Variants in PDE1C observed in about 807,000 individuals in gnomAD.
The protein encoded by PDE1C is dual specificity calcium/calmodulin-dependent 3',5'-cyclic nucleotide phosphodiesterase 1C.
Under a neutral mutation model 93.1 loss-of-function variants are expected in PDE1C, and 62 were observed. The ratio of observed to expected loss-of-function variants is 0.67; its 90% CI spans 0.54 to 0.82. PDE1C has a LOEUF of 0.82. Among genes scored for constraint, PDE1C ranks in the 40% least tolerant of loss-of-function variants. The pLI, the probability that PDE1C is intolerant of heterozygous loss-of-function variation, is 0.00. For synonymous variants in PDE1C, 325 were observed against 310.1 expected (o/e 1.05, Z -0.50); for missense variants, 742 against 884.6 (o/e 0.84, Z 2.04).
At chr7:31,962,473 TG>T (rs1359536504) in intron 2 of PDE1C, among the ~76,000 whole-genome samples, 1 of 152,250 alleles carries the variant, frequency 6.6e-6, no homozygotes, top group Non-Finnish European at 1.5e-5. Flanking sequence ...GAGTCATTTC[TG>T]CTTCAACTGC....
At chr7:32,205,609 A>C (rs867181959) in intron 2 of PDE1C, among the ~76,000 whole-genome samples, 1 of 152,094 alleles carries the variant, frequency 6.6e-6, no homozygotes, top group African/African-American at 2.4e-5. Flanking sequence ...CCAACCCCCC[A>C]GCCAACCCGT....
chr7:31,679,738 A>G, the PDE1C span, among the ~76,000 whole-genome samples: 2 of 152,178 alleles, frequency 1.3e-5, no homozygotes, highest in Non-Finnish European at 2.9e-5. Flanking sequence ...CGTTATTACC[A>G]TCTGGTAGCT....
rs1406753335 is a variant in PDE1C at position 32,420,327 on chromosome 7, GTA to G, written c.310+7493_310+7494del. ...TATATATACATGTGTATATATATGT[GTA>G]TATATATATGTGTATATATATGTGT... is the stretch of plus-strand genomic sequence containing the variant. On this transcript the variant is annotated intron_variant, in intron 1 of 1. Coordinates refer to the PDE1C transcript ENST00000672256. Among the ~76,000 whole-genome samples, 7 of 4,586 alleles carry G rather than the reference GTA, an allele frequency of 1.5e-3. 2 individuals are homozygous for G. Among genetic ancestry groups the G allele is most frequent in the African/African-American group, 3.3e-3 (6 of 1,834 alleles). 3.0% of individuals were successfully genotyped at this position (4,586 alleles called of 152,430 possible).
At chr7:31,906,504 G>A (rs1265857979) in intron 2 of PDE1C, among the ~76,000 whole-genome samples, 1 of 152,152 alleles carries the variant, frequency 6.6e-6, no homozygotes, top group Non-Finnish European at 1.5e-5. Flanking sequence ...GATACAGGAT[G>A]ATATTCAGAT....
chr7:31,959,377 TA>T (rs1808602868), intron 2 of PDE1C, among the ~76,000 whole-genome samples: 2 of 152,076 alleles, frequency 1.3e-5, no homozygotes, highest in African/African-American at 4.8e-5. Context: ...TACGCCCAGC[TA>T]ATTTTTGTAG....
At chr7:32,360,205 T>C (rs1585124889) in intron 1 of PDE1C, among the ~76,000 whole-genome samples, 1 of 152,154 alleles carries the variant, frequency 6.6e-6, no homozygotes, top group South Asian at 2.1e-4. Flanking sequence ...AAAGAAACAA[T>C]GAATGGGACA....
chr7:32,361,229 G>A (rs962565343), intron 1 of PDE1C, among the ~76,000 whole-genome samples: 1 of 152,184 alleles, frequency 6.6e-6, no homozygotes, highest in Non-Finnish European at 1.5e-5. Flanking sequence ...GCTGAGTTCT[G>A]CCTCCAGGTC....
At chr7:31,669,376 AG>A in the PDE1C span, among the ~76,000 whole-genome samples, 5 of 152,226 alleles carry the variant, frequency 3.3e-5, no homozygotes, top group African/African-American at 1.2e-4. Flanking sequence ...ACCCTAAACA[AG>A]ATATACAAAA....
At chr7:32,111,597 C>G (rs1798643838) in intron 3 of PDE1C, among the ~76,000 whole-genome samples, 2 of 152,096 alleles carry the variant, frequency 1.3e-5, no homozygotes, top group South Asian at 4.1e-4. Flanking sequence ...CCCACCAGGT[C>G]AATGTCTGTT....
At chr7:32,340,339 G>A (rs562017990) in intron 1 of PDE1C, among the ~76,000 whole-genome samples, 9 of 152,072 alleles carry the variant, frequency 5.9e-5, no homozygotes, top group African/African-American at 2.2e-4. Flanking sequence ...GAAAGGAAGA[G>A]AATAGGGAGT....
At chr7:32,340,119 C>A (rs1255405552) in intron 1 of PDE1C, among the ~76,000 whole-genome samples, 2 of 151,906 alleles carry the variant, frequency 1.3e-5, no homozygotes, top group Non-Finnish European at 2.9e-5. Context: ...CTGGGACTTA[C>A]CAGAGTGGGA....
At chr7:31,619,662 G>C in the PDE1C span, among the ~76,000 whole-genome samples, 12 of 152,118 alleles carry the variant, frequency 7.9e-5, no homozygotes, top group African/African-American at 2.2e-4. Flanking sequence ...CCAGTCTACA[G>C]CCCCCAGCGT....
intron 1 of PDE1C, among the ~76,000 whole-genome samples, chr7:32,248,058 G>A (rs1809096055): frequency 6.6e-6 from 1 of 152,210 alleles, no homozygotes. Context: ...CAGGAGCACA[G>A]GATGGCTGTT....
At chr7:32,114,892 G>C (rs1217587359) in intron 3 of PDE1C, among the ~76,000 whole-genome samples, 1 of 152,094 alleles carries the variant, frequency 6.6e-6, no homozygotes, top group Non-Finnish European at 1.5e-5. Context: ...ATTAGAGAAA[G>C]GCACATCAAA....
At chr7:31,714,579 A>C in the PDE1C span, among the ~76,000 whole-genome samples, 1 of 152,212 alleles carries the variant, frequency 6.6e-6, no homozygotes, top group Non-Finnish European at 1.5e-5. Context: ...GCTACTGATA[A>C]AGACATACCC....
chr7:32,321,847 G>A (rs1202749565), intron 1 of PDE1C, among the ~76,000 whole-genome samples: 1 of 152,110 alleles, frequency 6.6e-6, no homozygotes, highest in African/African-American at 2.4e-5. Flanking sequence ...AACCCGATCA[G>A]TTGTTCAAAT....
At chr7:31,993,641 G>A (rs1458750313) in intron 2 of PDE1C, among the ~76,000 whole-genome samples, 1 of 152,128 alleles carries the variant, frequency 6.6e-6, no homozygotes, top group Non-Finnish European at 1.5e-5. Flanking sequence ...ATAAAATCTT[G>A]CAGAAGCACA....
intron 3 of PDE1C, among the ~76,000 whole-genome samples, chr7:32,118,551 A>G (rs1246040838): frequency 3.3e-5 from 5 of 152,204 alleles, no homozygotes; most frequent in Non-Finnish European, 7.3e-5. Flanking sequence ...TTCATAATTT[A>G]TGGTGAACAG....
At chr7:31,789,542 G>C (rs1038462232) in intron 16 of PDE1C, 6 of 558,584 alleles carry the variant, frequency 1.1e-5, no homozygotes. Context: ...TGAACATTCA[G>C]GTTTATACTA....
Sources: allele counts gnomAD v4.1 joint callset (sites outside exome capture counted in the v4.1 genomes callset), GRCh38; gene constraint gnomAD v4.1.1; transcripts MANE v1.5; gene names NCBI Gene and HGNC (gene_info 2026-07-23, HGNC 2026-07-21).